RNF13: variants seen among roughly 807,000 people sequenced by gnomAD.
RNF13 encodes E3 ubiquitin-protein ligase RNF13.
A neutral mutation model predicts 37.7 loss-of-function variants in RNF13; 19 were observed. That is an observed-to-expected ratio of 0.50 (90% CI 0.35 to 0.74). RNF13 has a LOEUF of 0.74. RNF13 is among the 30% of genes least tolerant of loss of function. RNF13 has a pLI of 0.01. For missense variants in RNF13, 375 were observed against 453.0 expected (o/e 0.83, Z 1.56); for synonymous variants, 144 against 157.8 (o/e 0.91, Z 0.65).
chr3:149,903,484 C>T (rs1199262221), intron 6 of RNF13, among the ~76,000 whole-genome samples: 1 of 151,918 alleles, frequency 6.6e-6, no homozygotes, highest in African/African-American at 2.4e-5. Context: ...TTACCAACTA[C>T]TGTTTTTTAA....
intron 6 of RNF13, among the ~76,000 whole-genome samples, chr3:149,906,799 G>A (rs2108510189): frequency 6.6e-6 from 1 of 151,712 alleles, no homozygotes; most frequent in Admixed American, 6.6e-5. Flanking sequence ...CCCCAGGCAT[G>A]CACCACCTTG....
At chr3:149,944,344 T>G (rs139585706) in intron 8 of RNF13, among the ~76,000 whole-genome samples, 1,945 of 152,310 alleles carry the variant, frequency 0.013, 31 homozygotes, top group African/African-American at 0.044. Flanking sequence ...GTAATGGGAT[T>G]GCTGGGTCAA....
At chr3:149,949,233 A>G (rs1226388846) in intron 8 of RNF13, among the ~76,000 whole-genome samples, 1 of 152,090 alleles carries the variant, frequency 6.6e-6, no homozygotes, top group Non-Finnish European at 1.5e-5. Flanking sequence ...TCTAGTGGTG[A>G]TAAACTCCCT....
At chr3:149,912,150 G>A in intron 7 of RNF13, 67 bp downstream of exon 7, 1 of 762,404 alleles carries the variant, frequency 1.3e-6, no homozygotes, top group Non-Finnish European at 2.3e-6. Context: ...ATTGTATTGA[G>A]TGAGAGAATT....
chr3:149,829,496 G>A (rs1253661413), intron 1 of RNF13, among the ~76,000 whole-genome samples: 1 of 152,080 alleles, frequency 6.6e-6, no homozygotes, highest in African/African-American at 2.4e-5. Flanking sequence ...TATTGCATAG[G>A]TGAAAAAATT....
At chr3:149,955,469 A>G (rs1260534340) in intron 8 of RNF13, among the ~76,000 whole-genome samples, 1 of 152,016 alleles carries the variant, frequency 6.6e-6, no homozygotes, top group Non-Finnish European at 1.5e-5. Context: ...TTTTGTTGAG[A>G]TTTCTTGGGA....
intron 1 of RNF13, among the ~76,000 whole-genome samples, chr3:149,829,681 G>A (rs1018549906): frequency 8.6e-5 from 13 of 151,976 alleles, no homozygotes; most frequent in Non-Finnish European, 1.2e-4. Flanking sequence ...GTTTTGTTTT[G>A]GTTTCTGATG....
At chr3:149,910,073 A>G (rs1451795659) in intron 6 of RNF13, among the ~76,000 whole-genome samples, 1 of 152,186 alleles carries the variant, frequency 6.6e-6, no homozygotes, top group Non-Finnish European at 1.5e-5. Context: ...GTTTATTTAT[A>G]GCAGGTTAGT....
At chr3:149,921,732 T>G (rs1005583372) in intron 8 of RNF13, among the ~76,000 whole-genome samples, 43 of 152,324 alleles carry the variant, frequency 2.8e-4, no homozygotes, top group African/African-American at 9.1e-4. Context: ...TCCAAGTCTT[T>G]GCTATTGTGA....
At chr3:149,879,662 C>T (rs1713157176) in intron 4 of RNF13, among the ~76,000 whole-genome samples, 2 of 152,086 alleles carry the variant, frequency 1.3e-5, no homozygotes, top group African/African-American at 4.8e-5. Context: ...ATTAAATGAG[C>T]TGATCTTCAT....
At chr3:149,872,487 C>T (rs1427631682) in intron 4 of RNF13, among the ~76,000 whole-genome samples, 4 of 152,206 alleles carry the variant, frequency 2.6e-5, no homozygotes, top group African/African-American at 7.2e-5. Context: ...ATTGAGGTTT[C>T]TCTTTTGTAA....
intron 1 of RNF13, among the ~76,000 whole-genome samples, chr3:149,818,570 A>C (rs912798072): frequency 2.0e-5 from 3 of 152,184 alleles, no homozygotes; most frequent in Non-Finnish European, 4.4e-5. Context: ...GAGTCAGTTA[A>C]ATGTGGCATG....
chr3:149,926,675 A>G (rs553357988), intron 8 of RNF13, among the ~76,000 whole-genome samples: 1 of 152,282 alleles, frequency 6.6e-6, no homozygotes, highest in African/African-American at 2.4e-5. Context: ...GATATTTTAT[A>G]TAAGGGTATC....
intron 1 of RNF13, among the ~76,000 whole-genome samples, chr3:149,842,461 CCTT>C (rs1423966584): frequency 6.6e-6 from 1 of 152,148 alleles, no homozygotes; most frequent in African/African-American, 2.4e-5. Flanking sequence ...GTCCTATGGT[CCTT>C]CTTTTAGAGA....
intron 4 of RNF13, among the ~76,000 whole-genome samples, chr3:149,876,252 G>A (rs113509636): frequency 1.3e-4 from 20 of 152,320 alleles, no homozygotes; most frequent in African/African-American, 4.6e-4. Flanking sequence ...TTATTCAGCA[G>A]TGTGTGCTGA....
At chr3:149,948,238 C>T (rs1224531288) in intron 8 of RNF13, among the ~76,000 whole-genome samples, 5 of 152,184 alleles carry the variant, frequency 3.3e-5, no homozygotes, top group South Asian at 4.1e-4. Flanking sequence ...TGTGAGCCAC[C>T]GTGCCTGGTC....
At chr3:149,848,173 C>T (rs1722809985) in intron 2 of RNF13, among the ~76,000 whole-genome samples, 1 of 152,102 alleles carries the variant, frequency 6.6e-6, no homozygotes, top group Non-Finnish European at 1.5e-5. Context: ...TACAAAACTA[C>T]CTGAGCTGTA....
At chr3:149,931,410 T>G (rs1225984673) in intron 8 of RNF13, among the ~76,000 whole-genome samples, 1 of 152,190 alleles carries the variant, frequency 6.6e-6, no homozygotes, top group Non-Finnish European at 1.5e-5. Context: ...TTTATTTCTT[T>G]TTTTCTGCTA....
chr3:149,939,647 T>G, intron 8 of RNF13: 1 of 657,904 alleles, frequency 1.5e-6, no homozygotes, highest in Admixed American at 1.8e-5. Context: ...TTTGCTCCAG[T>G]CCCTGAAATC....
Sources: gnomAD v4.1 joint callset for allele counts (sites outside exome capture counted in the v4.1 genomes callset) on GRCh38, gnomAD v4.1.1 for gene constraint, MANE v1.5 for transcripts, NCBI Gene and HGNC (gene_info 2026-07-23, HGNC 2026-07-21) for gene names.